HIVEP1: variants seen among roughly 807,000 people sequenced by gnomAD.
The protein encoded by HIVEP1 is zinc finger protein 40.
Under a neutral mutation model 180.0 loss-of-function variants are expected in HIVEP1, and 36 were observed. That is an observed-to-expected ratio of 0.20 (90% CI 0.15 to 0.26). HIVEP1 has a LOEUF of 0.26. HIVEP1 is among the 10% of genes least tolerant of loss of function. HIVEP1 has a pLI of 1.00. For missense variants in HIVEP1, 3,143 were observed against 3,268.7 expected, an observed-to-expected ratio of 0.96 and a Z score of 0.94; for synonymous variants, 1,239 against 1,239.0, an observed-to-expected ratio of 1.00 and a Z score of 0.00.
chr6:12,187,084 A>G, the HIVEP1 span, among the ~76,000 whole-genome samples: 1 of 152,152 alleles, frequency 6.6e-6, no homozygotes, highest in Non-Finnish European at 1.5e-5. Context: ...AAATACAGAG[A>G]AGAGAGATTT....
intron 2 of HIVEP1, among the ~76,000 whole-genome samples, chr6:12,030,661 T>C (rs138577928): frequency 4.5e-3 from 689 of 152,304 alleles, no homozygotes; most frequent in Middle Eastern, 0.017. Context: ...TTTATTGAGA[T>C]TCTATTTGTT....
At chr6:12,109,484 ATTTCAGCAGCGT>A (rs1774744967) in intron 3 of HIVEP1, among the ~76,000 whole-genome samples, 2 of 152,356 alleles carry the variant, frequency 1.3e-5, no homozygotes. Context: ...CTTTGTTGTC[ATTTCAGCAGCGT>A]TTACAGCATC....
chr6:12,050,580 C>T lies in HIVEP1; in HGVS notation c.40+34912C>T, dbSNP rs866223291. Among the ~76,000 whole-genome samples the T allele has an allele frequency of 3.3e-4, 47 of 144,256 alleles. 1 individual carries two copies. The highest frequency in any genetic ancestry group is 7.0e-4 in the South Asian group (3 of 4,286). 94.6% of individuals were successfully genotyped at this position (144,256 alleles called of 152,430 possible). A position where few individuals can be genotyped will look rare whatever the true frequency, so the allele number is the denominator to read the frequency against. On this transcript the variant is annotated intron_variant, in intron 2 of 8. Transcript: ENST00000379388. Reference sequence around the variant, plus strand: ...CAGCCTGGGCGACAGAGAGAGACTCCGTCTCAAAAAAAAAAAAATAAAAAA... The same window carrying T: ...CAGCCTGGGCGACAGAGAGAGACTCTGTCTCAAAAAAAAAAAAATAAAAAA...
rs1393573650 is a variant in HIVEP1 at position 12,124,505 on chromosome 6, C to T, written c.4710C>T (p.Gly1570=). ...TGCATTGTCAGGTTTTCACTTCAGG[C>T]CCATCTTGCTCTTCTAATCCTGTGC... ...YQLHCQVFTS[G]PSCSSNPVHS... is the part of the protein sequence containing the mutation. The change falls in exon 4 of 9, where the codon GGC becomes GGT. Residue 1570 remains glycine, a synonymous_variant. Transcript: ENST00000379388. 1.2e-6 allele frequency: 2 copies of T among 1,613,966 alleles called. No individual in the cohort carries two copies. The highest frequency in any genetic ancestry group is 1.1e-5 in the South Asian group (1 of 91,080).
At chr6:12,046,579 G>A (rs1286844935) in intron 2 of HIVEP1, among the ~76,000 whole-genome samples, 2 of 152,046 alleles carry the variant, frequency 1.3e-5, no homozygotes, top group African/African-American at 4.8e-5. Flanking sequence ...AAGAGATCGA[G>A]ACAATCCTGG....
rs767479111 is a variant in HIVEP1, at chr6:12,122,639, AAAG to A, written c.2848_2850del (p.Lys950del). ...TGGCACAAGGCCCACATATAGAAAA[AAAG>A]AAGTCTCATCAAGGGCGAGGGACAA... On this transcript the variant is annotated inframe_deletion, in exon 4 of 9. Transcript: ENST00000379388. The A allele has an allele frequency of 7.1e-5, 115 of 1,613,922 alleles. No individual in the cohort carries two copies. Among genetic ancestry groups the A allele is most frequent in the Non-Finnish European group, 7.5e-5 (89 of 1,180,020 alleles).
chr6:12,177,122 A>G, the HIVEP1 span, among the ~76,000 whole-genome samples: 1 of 152,234 alleles, frequency 6.6e-6, no homozygotes, highest in East Asian at 1.9e-4. Flanking sequence ...ATGAGAACTC[A>G]TGGACACAAA....
intron 2 of HIVEP1, among the ~76,000 whole-genome samples, chr6:12,044,995 T>A (rs929762002): frequency 3.9e-5 from 6 of 152,256 alleles, no homozygotes; most frequent in Non-Finnish European, 8.8e-5. Context: ...AATTTGCTTT[T>A]TAAGAAGGTT....
intron 2 of HIVEP1, among the ~76,000 whole-genome samples, chr6:12,074,442 C>T (rs1772203415): frequency 6.6e-6 from 1 of 152,136 alleles, no homozygotes; most frequent in East Asian, 1.9e-4. Flanking sequence ...AATTTAACAA[C>T]TGAAAAAAAT....
At chr6:12,154,970 T>C (rs1759936102) in intron 7 of HIVEP1, among the ~76,000 whole-genome samples, 1 of 152,224 alleles carries the variant, frequency 6.6e-6, no homozygotes, top group African/African-American at 2.4e-5. Flanking sequence ...TTTTCTTTTT[T>C]CAATGTCATC....
chr6:12,008,655 A>T (rs1419005479), upstream of HIVEP1: 2 of 151,988 alleles, frequency 1.3e-5, no homozygotes, highest in Non-Finnish European at 2.9e-5. Context: ...CGCAGAGCCC[A>T]AGGTAGAAAC....
the HIVEP1 span, among the ~76,000 whole-genome samples, chr6:12,171,064 C>T: frequency 6.6e-6 from 1 of 152,080 alleles, no homozygotes; most frequent in Non-Finnish European, 1.5e-5. Flanking sequence ...GACAATTTAA[C>T]AAGAAAGCAA....
chr6:12,068,293 T>G (rs569192305), intron 2 of HIVEP1, among the ~76,000 whole-genome samples: 1 of 152,254 alleles, frequency 6.6e-6, no homozygotes, highest in East Asian at 1.9e-4. Flanking sequence ...TTTCACCGTG[T>G]TGGCCAGGGT....
In HIVEP1 at chr6:12,121,989, C is replaced by T. The variant is rs780211015; in HGVS notation, c.2194C>T (p.Pro732Ser). The change falls in exon 4 of 9, where the codon CCA (proline) becomes TCA (serine). Residue 732 changes from proline (P) to serine (S), a missense_variant. This residue lies in a region of HIVEP1 where 365 missense variants were observed against 344.4 expected (regional missense o/e 1.06). Transcript: ENST00000379388. The surrounding 1 kb of genome is among the most constrained non-coding windows in gnomAD (Gnocchi z 5.3). The stretch of plus-strand genomic sequence containing the variant: ...CACAGGGGAAAAGGCATTGCTTTTA[C>T]CAGGTCAGATGCGCCCACCTTTGGC... ...LPTGEKALLL[P>S]GQMRPPLATK... 1.2e-5 allele frequency: 20 copies of T among 1,614,132 alleles called. No homozygotes were observed. The highest frequency in any genetic ancestry group is 1.6e-4 in the Middle Eastern group (1 of 6,062).
At chr6:12,024,802 A>G (rs376744408) in intron 2 of HIVEP1, among the ~76,000 whole-genome samples, 1 of 152,204 alleles carries the variant, frequency 6.6e-6, no homozygotes. Flanking sequence ...GGAGTGAACC[A>G]AGGCTCTCCC....
the HIVEP1 span, among the ~76,000 whole-genome samples, chr6:12,205,426 G>T: frequency 1.3e-5 from 2 of 151,738 alleles, no homozygotes; most frequent in African/African-American, 4.8e-5. Context: ...AGCCGAGATT[G>T]CGCCACTGCA....
chr6:12,113,053 C>A (rs979771384), intron 3 of HIVEP1, among the ~76,000 whole-genome samples: 1 of 151,942 alleles, frequency 6.6e-6, no homozygotes, highest in Non-Finnish European at 1.5e-5. Flanking sequence ...ACTCTGCTTA[C>A]ACGCTTGGGG....
At chr6:12,209,116 G>A in the HIVEP1 span, among the ~76,000 whole-genome samples, 81 of 152,112 alleles carry the variant, frequency 5.3e-4, 2 homozygotes, top group Admixed American at 5.2e-3. Context: ...TTCTCGGCAG[G>A]TCTCCTCTGG....
chr6:12,139,299 A>G (rs1024621771), intron 7 of HIVEP1, among the ~76,000 whole-genome samples: 1 of 152,064 alleles, frequency 6.6e-6, no homozygotes, highest in African/African-American at 2.4e-5. Flanking sequence ...GAACACCCGC[A>G]GCAGGCCCCT....
Sources: gnomAD v4.1 joint callset for allele counts (sites outside exome capture counted in the v4.1 genomes callset) on GRCh38, gnomAD v4.1.1 for gene constraint, gnomAD v4.1.1 regional missense constraint, Gnocchi (gnomAD v3.1) non-coding constraint, MANE v1.5 for transcripts, NCBI Gene and HGNC (gene_info 2026-07-23, HGNC 2026-07-21) for gene names.